The following PICALM variants were observed in gnomAD, a reference collection of about 807,000 sequenced individuals.
PICALM encodes phosphatidylinositol-binding clathrin assembly protein.
In PICALM, 40 loss-of-function variants were observed where a neutral mutation model predicts 80.5. The ratio of observed to expected loss-of-function variants is 0.50; its 90% CI spans 0.39 to 0.65. PICALM has a LOEUF of 0.65. Among genes scored for constraint, PICALM ranks in the 30% least tolerant of loss-of-function variants. The pLI is 0.00. For synonymous variants in PICALM, 288 were observed against 260.3 expected, an observed-to-expected ratio of 1.11 and a Z score of -1.02; for missense variants, 676 against 778.9, an observed-to-expected ratio of 0.87 and a Z score of 1.57.
chr11:86,001,104 C>A lies in PICALM; in HGVS notation c.948G>T (p.Leu316=). The A allele has an allele frequency of 1.2e-6, 2 of 1,614,048 alleles. No individual in the cohort carries two copies. The highest frequency in any genetic ancestry group is 2.2e-5 in the South Asian group (2 of 91,046). ...VSSLASTGLS[L]TKVDEREKQA... ...GCTTTTCCCTTTCATCCACTTTGGTCAGAGATAGACCAGTGCTTGCCAGGG... is the reference window on the plus strand; with the variant it reads ...GCTTTTCCCTTTCATCCACTTTGGTAAGAGATAGACCAGTGCTTGCCAGGG... Residue 316 remains leucine (L), a synonymous_variant, in exon 10 of 20, where the codon CTG becomes CTT. Coordinates refer to ENST00000393346, the MANE Select transcript of PICALM (RefSeq NM_007166.4).
intron 12 of PICALM, among the ~76,000 whole-genome samples, chr11:85,993,653 G>A (rs1471631480): frequency 6.6e-6 from 1 of 151,786 alleles, no homozygotes; most frequent in East Asian, 1.9e-4. Flanking sequence ...TGGCCAGGCT[G>A]GTCTCAAATT....
At chr11:86,007,829 T>A (rs951558417) in intron 7 of PICALM, among the ~76,000 whole-genome samples, 1 of 152,068 alleles carries the variant, frequency 6.6e-6, no homozygotes, top group Non-Finnish European at 1.5e-5. Context: ...ACCATCCCTG[T>A]CTTCTGAACA....
In PICALM at chr11:85,981,248, A is replaced by G; in HGVS notation, c.1680-20T>C. The G allele has an allele frequency of 2.4e-6, 3 of 1,241,348 alleles. No individual in the cohort carries two copies. Among genetic ancestry groups the G allele is most frequent in the Non-Finnish European group, 3.6e-6 (3 of 840,788 alleles). 76.9% of individuals were successfully genotyped at this position (1,241,348 alleles called of 1,614,324 possible). ...ACATCACTTTAAATAAACATAAGTG[A>G]GAATATTAAATGTCTCTAATTATAA... is the stretch of plus-strand genomic sequence containing the variant. On this transcript the variant is annotated intron_variant, in intron 16 of 19. Coordinates refer to ENST00000393346, the MANE Select transcript of PICALM (RefSeq NM_007166.4).
At chr11:85,962,548 AAT>A (rs1470052162) in intron 19 of PICALM, among the ~76,000 whole-genome samples, 1 of 152,228 alleles carries the variant, frequency 6.6e-6, no homozygotes, top group Non-Finnish European at 1.5e-5. Context: ...ATCTATTTTC[AAT>A]ATGTGAGCAT....
At chr11:86,044,862 G>A (rs918096889) in intron 1 of PICALM, among the ~76,000 whole-genome samples, 3 of 152,192 alleles carry the variant, frequency 2.0e-5, no homozygotes, top group Non-Finnish European at 4.4e-5. Context: ...TGATCGAGGT[G>A]GAACAGTTTC....
At chr11:86,044,402 T>G (rs1389149814) in intron 1 of PICALM, among the ~76,000 whole-genome samples, 1 of 152,218 alleles carries the variant, frequency 6.6e-6, no homozygotes, top group African/African-American at 2.4e-5. Flanking sequence ...ACATGTCTGC[T>G]CCACCTGTGC....
chr11:86,012,248 TA>T (rs2095411537), intron 6 of PICALM, 32 bp downstream of exon 6: 19 of 1,190,596 alleles, frequency 1.6e-5, no homozygotes, highest in Non-Finnish European at 2.0e-5. Flanking sequence ...TGACACAAGA[TA>T]AGAAATGTTA....
At chr11:86,049,713 G>A (rs536025267) in intron 1 of PICALM, among the ~76,000 whole-genome samples, 19 of 151,332 alleles carry the variant, frequency 1.3e-4, no homozygotes, top group African/African-American at 4.4e-4. Flanking sequence ...GGTTACAGGC[G>A]TGAGCCACCA....
chr11:86,057,399 C>G (rs2096285732), intron 1 of PICALM, among the ~76,000 whole-genome samples: 1 of 151,922 alleles, frequency 6.6e-6, no homozygotes, highest in Admixed American at 6.6e-5. Context: ...ATTAGCTGGG[C>G]CTGGTGGCTC....
chr11:85,974,060 T>G (rs2094195898), intron 19 of PICALM, among the ~76,000 whole-genome samples: 2 of 151,906 alleles, frequency 1.3e-5, no homozygotes, highest in Non-Finnish European at 2.9e-5. Context: ...AAAAAAAAAT[T>G]CTTCTAATGC....
chr11:86,024,404 C>T (rs1283061081), intron 3 of PICALM, among the ~76,000 whole-genome samples: 2 of 146,280 alleles, frequency 1.4e-5, no homozygotes, highest in Admixed American at 1.4e-4. Flanking sequence ...AACTCAAATA[C>T]AGCCAGTCAC....
At chr11:85,964,177 G>A (rs2093795448) in intron 19 of PICALM, among the ~76,000 whole-genome samples, 1 of 152,034 alleles carries the variant, frequency 6.6e-6, no homozygotes, top group African/African-American at 2.4e-5. Flanking sequence ...AAAAGCTTAT[G>A]AAAGACTAAA....
chr11:85,989,168 A>G (rs1380574880), intron 13 of PICALM, among the ~76,000 whole-genome samples: 1 of 152,230 alleles, frequency 6.6e-6, no homozygotes, highest in African/African-American at 2.4e-5. Context: ...TCTTAATCCT[A>G]TAGAGTAAGG....
intron 19 of PICALM, among the ~76,000 whole-genome samples, chr11:85,965,834 T>C (rs1310890864): frequency 2.7e-5 from 4 of 147,070 alleles, no homozygotes; most frequent in African/African-American, 1.0e-4. Context: ...TTTTTTTTTT[T>C]TTTTGAGACA....
intron 1 of PICALM, among the ~76,000 whole-genome samples, chr11:86,067,016 C>A (rs1411287832): frequency 1.3e-5 from 2 of 152,234 alleles, no homozygotes; most frequent in Non-Finnish European, 1.5e-5. Context: ...AAGCAGCCTG[C>A]ATGCATATCT....
chr11:86,069,169 T>G, upstream of PICALM: 1 of 210,308 alleles, frequency 4.8e-6, no homozygotes. Flanking sequence ...TCCCGCCCCT[T>G]TCCCCTTCCC....
At chr11:86,000,908 A>C (rs2095124427) in intron 10 of PICALM, 127 bp downstream of exon 10, 3 of 1,480,044 alleles carry the variant, frequency 2.0e-6, no homozygotes, top group Middle Eastern at 1.9e-4. Context: ...GTCAGGACGA[A>C]AAGTTAGACT....
chr11:85,992,910 G>C (rs1162658858), intron 12 of PICALM, among the ~76,000 whole-genome samples: 1 of 152,058 alleles, frequency 6.6e-6, no homozygotes, highest in Non-Finnish European at 1.5e-5. Context: ...AGATCAATCA[G>C]ATAAGGAAAA....
At chr11:86,041,730 A>G (rs1228176626) in intron 1 of PICALM, among the ~76,000 whole-genome samples, 6 of 152,262 alleles carry the variant, frequency 3.9e-5, no homozygotes, top group Admixed American at 3.9e-4. Context: ...TAATTGCTCT[A>G]AAATTTTAAT....
Sources: gnomAD v4.1 joint callset for allele counts (sites outside exome capture counted in the v4.1 genomes callset) on GRCh38, gnomAD v4.1.1 for gene constraint, MANE v1.5 for transcripts, NCBI Gene and HGNC (gene_info 2026-07-23, HGNC 2026-07-21) for gene names.